MSN: variants seen among roughly 807,000 people sequenced by gnomAD.
MSN encodes the protein epididymis luminal protein 70.
In MSN, 2 loss-of-function variants were observed where a neutral mutation model predicts 48.0. The observed-to-expected ratio is 0.04, with a 90% CI of 0.02 to 0.13. The LOEUF (loss-of-function observed/expected upper bound fraction) is 0.13. MSN is among the 10% of genes least tolerant of loss of function. MSN has a pLI of 1.00. For missense variants in MSN, 267 were observed against 470.1 expected, an observed-to-expected ratio of 0.57 and a Z score of 3.99; for synonymous variants, 146 against 166.9, an observed-to-expected ratio of 0.87 and a Z score of 0.97.
In MSN at chrX:65,741,027, A is replaced by T; in HGVS notation, c.*1134A>T. Reference sequence around the variant, plus strand: ...TATGGTGAGAGAAGCCTGTGCCCTGATCCAAGTTTACTCAACCCTCTCAGG... The same window carrying T: ...TATGGTGAGAGAAGCCTGTGCCCTGTTCCAAGTTTACTCAACCCTCTCAGG... On this transcript the variant is annotated 3_prime_UTR_variant, in exon 13 of 13. Coordinates refer to ENST00000360270, the MANE Select transcript of MSN (RefSeq NM_002444.3). The T allele has an allele frequency of 5.9e-6, 1 of 168,865 alleles. No individual in the cohort carries two copies. Among genetic ancestry groups the T allele is most frequent in the Non-Finnish European group, 1.1e-5 (1 of 87,632 alleles). The allele number at this position is 168,865 out of a possible 1,213,427, so 13.9% of individuals were successfully genotyped here.
intron 1 of MSN, among the ~76,000 whole-genome samples, chrX:65,676,586 A>T (rs60637202): frequency 9.0e-6 from 1 of 110,919 alleles, no homozygotes; most frequent in African/African-American, 3.3e-5. Flanking sequence ...AATCCTGAAA[A>T]TTTTTTTCCT....
intron 1 of MSN, among the ~76,000 whole-genome samples, chrX:65,711,678 G>T (rs1010773518): frequency 9.0e-6 from 1 of 111,613 alleles, no homozygotes; most frequent in African/African-American, 3.3e-5. Flanking sequence ...CAAATATTTC[G>T]ATATAATTTT....
At chrX:65,692,277 G>T in intron 1 of MSN, among the ~76,000 whole-genome samples, 1 of 112,580 alleles carries the variant, frequency 8.9e-6, no homozygotes, top group Non-Finnish European at 1.9e-5. Context: ...CTGGCCTGGG[G>T]CCTCCTATTG....
intron 1 of MSN, among the ~76,000 whole-genome samples, chrX:65,672,239 G>A (rs2070949434): frequency 8.9e-6 from 1 of 112,195 alleles, no homozygotes; most frequent in Non-Finnish European, 1.9e-5. Context: ...AACCATAGCT[G>A]CTGGAAATTT....
chrX:65,617,544 G>A (rs1280164810), intron 1 of MSN, among the ~76,000 whole-genome samples: 1 of 106,854 alleles, frequency 9.4e-6, no homozygotes, highest in South Asian at 3.9e-4. Context: ...TGTGGGATTG[G>A]TGGTGATATC....
intron 1 of MSN, among the ~76,000 whole-genome samples, chrX:65,620,662 C>T (rs2070432782): frequency 8.9e-6 from 1 of 112,393 alleles, no homozygotes; most frequent in Admixed American, 9.4e-5. Flanking sequence ...CAGAAATCAC[C>T]CGTCTTCTGC....
intron 1 of MSN, among the ~76,000 whole-genome samples, chrX:65,631,361 T>G (rs1341889976): frequency 9.0e-6 from 1 of 110,888 alleles, no homozygotes; most frequent in Non-Finnish European, 1.9e-5. Context: ...CCCAAAGTGA[T>G]GAGATTACAG....
intron 3 of MSN, 64 bp from the exon 4 acceptor site, chrX:65,729,374 C>G (rs1269055834): frequency 2.4e-5 from 27 of 1,135,388 alleles, no homozygotes; most frequent in Non-Finnish European, 1.2e-6. Context: ...TCTCCCCACC[C>G]TACAGCCACT....
intron 2 of MSN, among the ~76,000 whole-genome samples, chrX:65,718,161 T>C (rs1430471300): frequency 9.0e-6 from 1 of 110,949 alleles, no homozygotes; most frequent in East Asian, 2.9e-4. Context: ...GCTCTGTGAG[T>C]GCATGAATTA....
intron 1 of MSN, among the ~76,000 whole-genome samples, chrX:65,709,356 T>A (rs2071393509): frequency 8.9e-6 from 1 of 112,368 alleles, no homozygotes; most frequent in African/African-American, 3.2e-5. Context: ...TTCCAACTTT[T>A]TAAAAACCCA....
In MSN at chrX:65,737,264, C is replaced by A; in HGVS notation, c.1177C>A (p.Arg393Ser). The A allele has an allele frequency of 8.3e-7, 1 of 1,210,847 alleles. No individual in the cohort carries two copies. Among genetic ancestry groups the A allele is most frequent in the Non-Finnish European group, 1.1e-6 (1 of 895,192 alleles). Residue 393 changes from arginine (R) to serine (S), a missense_variant, in exon 10 of 13, where the codon CGT (arginine) becomes AGT (serine). This residue lies in a region of MSN where 70 missense variants were observed against 76.3 expected (regional missense o/e 0.92). Coordinates refer to ENST00000360270, the MANE Select transcript of MSN (RefSeq NM_002444.3). ...QSEAEKLAKE[R>S]QEAEEAKEAL... ...CGAGGCTGAAAAGCTGGCCAAGGAG[C>A]GTCAAGAAGCTGAAGAGGCCAAGGA...
intron 1 of MSN, among the ~76,000 whole-genome samples, chrX:65,692,359 T>C (rs1369281931): frequency 8.0e-5 from 9 of 112,551 alleles, no homozygotes; most frequent in Non-Finnish European, 1.7e-4. Context: ...TGGTTAGTGG[T>C]CTAAGCTTAT....
At chrX:65,729,938 T>A (rs958505899) in intron 4 of MSN, among the ~76,000 whole-genome samples, 1 of 112,606 alleles carries the variant, frequency 8.9e-6, no homozygotes, top group African/African-American at 3.2e-5. Flanking sequence ...GTCTACCTGG[T>A]TACAGAACTT....
At chrX:65,729,749 A>G in intron 4 of MSN, 37 bp downstream of exon 4, 1 of 1,185,726 alleles carries the variant, frequency 8.4e-7, no homozygotes, top group East Asian at 3.0e-5. Flanking sequence ...CCTTGGCCAT[A>G]AGGGGCTGCA....
At chrX:65,680,235 T>C (rs907606975) in intron 1 of MSN, among the ~76,000 whole-genome samples, 2 of 112,161 alleles carry the variant, frequency 1.8e-5, no homozygotes, top group Non-Finnish European at 3.8e-5. Context: ...AGAGAAATTG[T>C]GTATAAATTC....
At chrX:65,706,900 A>G (rs1569465050) in intron 1 of MSN, among the ~76,000 whole-genome samples, 1 of 111,780 alleles carries the variant, frequency 8.9e-6, no homozygotes, top group Non-Finnish European at 1.9e-5. Context: ...TCGGAGGTCC[A>G]TGCTCCAGGC....
At chrX:65,677,691 G>A (rs1045533935) in intron 1 of MSN, among the ~76,000 whole-genome samples, 1 of 110,273 alleles carries the variant, frequency 9.1e-6, no homozygotes. Context: ...CTGGGAGGTG[G>A]AGGTTACAGT....
chrX:65,598,750 A>G (rs1455504125), intron 1 of MSN, among the ~76,000 whole-genome samples: 1 of 111,889 alleles, frequency 8.9e-6, no homozygotes, highest in Non-Finnish European at 1.9e-5. Context: ...GGGCAATGTA[A>G]TAACACAGGA....
chrX:65,638,852 C>T (rs1376336682), intron 1 of MSN, among the ~76,000 whole-genome samples: 1 of 112,526 alleles, frequency 8.9e-6, no homozygotes, highest in Non-Finnish European at 1.9e-5. Flanking sequence ...CCACACCCTG[C>T]CAGAAAAACC....
Sources: gnomAD v4.1 joint callset for allele counts (sites outside exome capture counted in the v4.1 genomes callset) on GRCh38, gnomAD v4.1.1 for gene constraint, gnomAD v4.1.1 regional missense constraint, MANE v1.5 for transcripts, NCBI Gene and HGNC (gene_info 2026-07-23, HGNC 2026-07-21) for gene names.